The following ASCC3 variants were observed in gnomAD, a reference collection of about 807,000 sequenced individuals.
ASCC3 encodes activating signal cointegrator 1 complex subunit 3.
In ASCC3, 158 loss-of-function variants were observed where a neutral mutation model predicts 256.3. The observed-to-expected ratio is 0.62, with a 90% CI of 0.54 to 0.70. The LOEUF is 0.70. Ranked by LOEUF, ASCC3 falls within the 30% of genes least tolerant of loss-of-function variation. ASCC3 has a pLI of 0.00. For missense variants in ASCC3, 2,259 were observed against 2,626.0 expected, an observed-to-expected ratio of 0.86 and a Z score of 3.05; for synonymous variants, 948 against 883.4, an observed-to-expected ratio of 1.07 and a Z score of -1.30.
intron 34 of ASCC3, among the ~76,000 whole-genome samples, chr6:100,597,747 C>A (rs1001959042): frequency 1.4e-4 from 20 of 146,702 alleles, no homozygotes; most frequent in African/African-American, 5.1e-4. Context: ...CCGAGATGGG[C>A]GGTTCACGAG....
chr6:100,873,085 C>T (rs558110070), intron 1 of ASCC3, among the ~76,000 whole-genome samples: 1 of 151,822 alleles, frequency 6.6e-6, no homozygotes, highest in Admixed American at 6.6e-5. Flanking sequence ...AGTTATTAAG[C>T]TAATCAAGGA....
In ASCC3 at chr6:100,629,172, T is replaced by A; in HGVS notation, c.4218A>T (p.Glu1406Asp). The A allele has an allele frequency of 6.2e-7, 1 of 1,613,284 alleles. No individual in the cohort carries two copies. The highest frequency in any genetic ancestry group is 8.5e-7 in the Non-Finnish European group (1 of 1,179,502). Residue 1406 changes from glutamate (E) to aspartate (D), a missense_variant, in exon 27 of 42, where the codon GAA becomes GAT. Physicochemically the swap from Glu to Asp is conservative, Grantham distance 45. Transcript: ENST00000369162. Reference protein sequence around the residue: ...IEEKLGKKVIELTGDVTPDMK... With the variant: ...IEEKLGKKVIDLTGDVTPDMK... Reference sequence around the variant, plus strand: ...TATCAGGAGTCACATCCCCTGTTAGTTCAATAACTCTGGAGGGAAATATAA... The same window carrying A: ...TATCAGGAGTCACATCCCCTGTTAGATCAATAACTCTGGAGGGAAATATAA...
intron 13 of ASCC3, among the ~76,000 whole-genome samples, chr6:100,714,963 A>C (rs1779022986): frequency 6.6e-6 from 1 of 152,068 alleles, no homozygotes; most frequent in South Asian, 2.1e-4. Flanking sequence ...ATGTCATAAA[A>C]GGCTCACATT....
intron 32 of ASCC3, 131 bp downstream of exon 32, chr6:100,606,609 G>T (rs191381648): frequency 9.9e-7 from 1 of 1,008,412 alleles, no homozygotes; most frequent in Non-Finnish European, 1.4e-6. Flanking sequence ...GTCTATAATT[G>T]CTTATCATCT....
intron 4 of ASCC3, among the ~76,000 whole-genome samples, chr6:100,827,252 A>G (rs899420324): frequency 2.0e-5 from 3 of 152,242 alleles, no homozygotes; most frequent in Admixed American, 2.0e-4. Context: ...TATAATGACA[A>G]GTAACCACCA....
Position 100,762,524 on chromosome 6 carries a change from C to G in ASCC3, c.1737+4041G>C, listed in dbSNP as rs568862428. 3.3e-5 allele frequency among the ~76,000 whole-genome samples: 5 copies of G among 152,148 alleles called. No homozygotes were observed. The South Asian group carries it at 1.0e-3, about 32-fold the overall frequency. ...TTGGAAAAGTAGATAAGTGTTTTAA[C>G]CAATGACAAATTTATGGTGTTTTTC... On this transcript the variant is annotated intron_variant, in intron 10 of 41. Transcript: ENST00000369162.
At chr6:100,688,847 GA>G (rs937586257) in intron 13 of ASCC3, among the ~76,000 whole-genome samples, 26 of 152,140 alleles carry the variant, frequency 1.7e-4, no homozygotes, top group Admixed American at 1.6e-3. Flanking sequence ...TTCATTACAT[GA>G]ACAACTATAG....
intron 10 of ASCC3, among the ~76,000 whole-genome samples, chr6:100,757,000 C>T (rs977567410): frequency 6.6e-6 from 1 of 151,984 alleles, no homozygotes; most frequent in Non-Finnish European, 1.5e-5. Context: ...GATGGAGAGA[C>T]ATAATAAAGG....
intron 11 of ASCC3, among the ~76,000 whole-genome samples, chr6:100,719,112 A>T (rs1281954374): frequency 1.3e-5 from 2 of 152,076 alleles, no homozygotes; most frequent in Non-Finnish European, 2.9e-5. Flanking sequence ...TGCAGTGCTG[A>T]ATAAGACATA....
At chr6:100,701,679 C>T (rs1778361205) in intron 13 of ASCC3, among the ~76,000 whole-genome samples, 1 of 151,782 alleles carries the variant, frequency 6.6e-6, no homozygotes, top group Non-Finnish European at 1.5e-5. Context: ...TTTAAAAAGC[C>T]AAAAAATGTA....
In ASCC3 at chr6:100,512,904, T is replaced by A. The variant is rs763683817; in HGVS notation, c.6090A>T (p.Leu2030Phe). The change falls in exon 40 of 42, where the codon TTA (leucine) becomes TTT (phenylalanine). Residue 2030 changes from leucine (L) to phenylalanine (F), a missense_variant. Physicochemically the swap from Leu to Phe is conservative, Grantham distance 22 (BLOSUM62 0). This residue lies in a region of ASCC3 where 1,839 missense variants were observed against 2,206.7 expected (regional missense o/e 0.83). Coordinates refer to ENST00000369162, the MANE Select transcript of ASCC3 (RefSeq NM_006828.4). ...CAACATTTATCACTGGCAAGTGAGA[T>A]AAGAAATTCCATGCCTAAATAAAAA... ...AAKTKQAWNF[L>F]SHLPVINVGI... 1 of 1,613,704 alleles carries A rather than the reference T, an allele frequency of 6.2e-7. No homozygotes were observed. The highest frequency in any genetic ancestry group is 2.2e-5 in the East Asian group (1 of 44,864).
chr6:100,879,001 G>C (rs1402595270), intron 1 of ASCC3, among the ~76,000 whole-genome samples: 1 of 152,080 alleles, frequency 6.6e-6, no homozygotes, highest in Non-Finnish European at 1.5e-5. Flanking sequence ...TTTTTTATCT[G>C]TACTTCTGAC....
intron 30 of ASCC3, among the ~76,000 whole-genome samples, chr6:100,619,879 C>A (rs1028177230): frequency 6.6e-6 from 1 of 152,022 alleles, no homozygotes; most frequent in Non-Finnish European, 1.5e-5. Context: ...TGACTAGATA[C>A]AAGCAAGAGA....
chr6:100,718,648 G>T (rs573540671), intron 11 of ASCC3, among the ~76,000 whole-genome samples: 4 of 152,040 alleles, frequency 2.6e-5, no homozygotes, highest in African/African-American at 9.6e-5. Context: ...TAGTCCCAAC[G>T]ACTCAGGAGG....
At chr6:100,640,524 T>C (rs537444114) in intron 24 of ASCC3, among the ~76,000 whole-genome samples, 4 of 152,308 alleles carry the variant, frequency 2.6e-5, no homozygotes, top group African/African-American at 7.2e-5. Context: ...AACATTGAAA[T>C]AGAATGTTAA....
chr6:100,510,789 A>C (rs1404221494), intron 40 of ASCC3, among the ~76,000 whole-genome samples: 1 of 152,216 alleles, frequency 6.6e-6, no homozygotes, highest in Non-Finnish European at 1.5e-5. Context: ...TTTTAGATCA[A>C]TTTTTATAAA....
intron 4 of ASCC3, among the ~76,000 whole-genome samples, chr6:100,829,610 G>A (rs1196679133): frequency 2.6e-5 from 4 of 152,130 alleles, no homozygotes; most frequent in Non-Finnish European, 4.4e-5. Context: ...AGCCGGCTCC[G>A]GCCTTGGCCA....
At chr6:100,800,178 T>C (rs551326710) in intron 6 of ASCC3, 122 bp downstream of exon 6, 23 of 1,045,444 alleles carry the variant, frequency 2.2e-5, no homozygotes, top group Middle Eastern at 2.1e-4. Context: ...CAAACTTCTA[T>C]GAAGAAAACG....
chr6:100,723,225 C>G (rs1418058732), intron 11 of ASCC3, among the ~76,000 whole-genome samples: 2 of 151,348 alleles, frequency 1.3e-5, no homozygotes, highest in African/African-American at 4.8e-5. Context: ...TTATAGAAAC[C>G]TATTAAATAT....
Sources: gnomAD v4.1 joint callset for allele counts (sites outside exome capture counted in the v4.1 genomes callset) on GRCh38, gnomAD v4.1.1 for gene constraint, gnomAD v4.1.1 regional missense constraint, MANE v1.5 for transcripts, NCBI Gene and HGNC (gene_info 2026-07-23, HGNC 2026-07-21) for gene names.